The following COL23A1 variants were observed in gnomAD, a reference collection of about 807,000 sequenced individuals.
COL23A1 encodes the protein collagen type XXIII alpha 1 chain.
COL23A1 carries 97 observed loss-of-function variants against 99.3 expected under a neutral mutation model. The ratio of observed to expected loss-of-function variants is 0.98; its 90% confidence interval spans 0.83 to 1.16. The LOEUF is 1.16. Ranked by LOEUF, COL23A1 falls within the 50% of genes most tolerant of loss-of-function variation. The pLI, the probability that COL23A1 is intolerant of heterozygous loss-of-function variation, is 0.00. For synonymous variants in COL23A1, 320 were observed against 308.2 expected (o/e 1.04, Z -0.40); for missense variants, 762 against 757.4 (o/e 1.01, Z -0.07).
chr5:178,270,326 T>C lies in COL23A1; in HGVS notation c.468+11A>G, dbSNP rs751665671. ...CCCAGGACCCCCTGGAATTGCCCTG[T>C]CATCACTTACGGGCTTGCCATCCAA... On this transcript the variant is annotated intron_variant, in intron 6 of 28. Transcript: ENST00000390654. 5.0e-6 allele frequency: 8 copies of C among 1,613,736 alleles called. No individual in the cohort carries two copies. The highest frequency in any genetic ancestry group is 6.8e-6 in the Non-Finnish European group (8 of 1,179,982).
intron 2 of COL23A1, among the ~76,000 whole-genome samples, chr5:178,537,904 CAG>C (rs1388884635): frequency 1.3e-5 from 2 of 152,208 alleles, no homozygotes; most frequent in African/African-American, 4.8e-5. Context: ...ACTTCCCAAA[CAG>C]AAGCTGTCCC....
At chr5:178,337,293 C>T (rs1760389974) in intron 2 of COL23A1, among the ~76,000 whole-genome samples, 1 of 152,236 alleles carries the variant, frequency 6.6e-6, no homozygotes, top group African/African-American at 2.4e-5. Flanking sequence ...CCGGTGATCC[C>T]CGGCCAGACC....
chr5:178,496,180 C>T (rs1758190206), intron 2 of COL23A1, among the ~76,000 whole-genome samples: 1 of 152,186 alleles, frequency 6.6e-6, no homozygotes, highest in South Asian at 2.1e-4. Flanking sequence ...TACCGACCCC[C>T]TTTCACCTGC....
intron 2 of COL23A1, among the ~76,000 whole-genome samples, chr5:178,461,807 A>G (rs748370823): frequency 1.6e-4 from 24 of 152,220 alleles, no homozygotes; most frequent in Admixed American, 1.5e-3. Flanking sequence ...TTTTTATCCT[A>G]TTCGAAATAA....
At position 178,367,250 on chromosome 5, in the gene COL23A1, G is replaced by A. The variant is rs188668686; in HGVS notation, c.362-60331C>T. ...ATGATGTCCAGATGGGAGCTGCTGC[G>A]CTTAGTGCATTTTCTATCATTAAGC... On this transcript the variant is annotated intron_variant, in intron 2 of 28. Transcript: ENST00000390654. 5.9e-5 allele frequency among the ~76,000 whole-genome samples: 9 copies of A among 152,260 alleles called. No homozygotes were observed. The East Asian group carries it at 1.5e-3, about 26-fold the overall frequency.
chr5:178,327,036 A>G (rs1300931327), intron 2 of COL23A1, among the ~76,000 whole-genome samples: 1 of 152,202 alleles, frequency 6.6e-6, no homozygotes, highest in Non-Finnish European at 1.5e-5. Flanking sequence ...CTCAATTCTT[A>G]TTCGGGGGTG....
chr5:178,526,652 G>A (rs771930396), intron 2 of COL23A1, among the ~76,000 whole-genome samples: 22 of 152,146 alleles, frequency 1.4e-4, no homozygotes, highest in Non-Finnish European at 2.9e-4. Flanking sequence ...CTTGGGGGAA[G>A]AGAGGGGCTA....
chr5:178,493,568 T>C (rs1201141692), intron 2 of COL23A1, among the ~76,000 whole-genome samples: 1 of 152,192 alleles, frequency 6.6e-6, no homozygotes, highest in Non-Finnish European at 1.5e-5. Flanking sequence ...AGGAGTAACC[T>C]CTGAAGACCA....
At chr5:178,291,107 G>A (rs1374274714) in intron 3 of COL23A1, among the ~76,000 whole-genome samples, 3 of 152,228 alleles carry the variant, frequency 2.0e-5, no homozygotes, top group African/African-American at 7.2e-5. Context: ...TTATGGTGGA[G>A]TGAGCGCATG....
rs78984764 is a variant in COL23A1, at chr5:178,247,778, C to T, written c.1266G>A (p.Pro422=). Residue 422 remains proline (P), a synonymous_variant, in exon 21 of 29, where the codon CCG becomes CCA. Transcript: ENST00000390654. ...GPPGPPGPPG[P]MGLQGIQGPK... is the part of the protein sequence containing the mutation. The stretch of plus-strand genomic sequence containing the variant: ...AACCAAAGCAAACCGTCCTTACCAT[C>T]GGGCCTGGGGGGCCAGGGGGGCCAG... 6,416 of 1,613,324 alleles carry T rather than the reference C, an allele frequency of 4.0e-3. 28 individuals carry two copies. Among genetic ancestry groups the T allele is most frequent in the Non-Finnish European group, 4.8e-3 (5,643 of 1,179,412 alleles).
intron 1 of COL23A1, among the ~76,000 whole-genome samples, chr5:178,587,824 T>C (rs533175639): frequency 6.6e-6 from 1 of 152,094 alleles, no homozygotes; most frequent in Non-Finnish European, 1.5e-5. Flanking sequence ...ACATTTCCCA[T>C]CCAGTGACAT....
Position 178,349,179 on chromosome 5 carries a change from G to A in COL23A1, c.362-42260C>T, listed in dbSNP as rs567501356. Among the ~76,000 whole-genome samples, 93 of 152,292 alleles carry A rather than the reference G, an allele frequency of 6.1e-4. 2 individuals carry two copies. The South Asian group carries it at 0.019, about 31-fold the overall frequency. On this transcript the variant is annotated intron_variant, in intron 2 of 28. Transcript: ENST00000390654. ...GCCCCTCATCTGGTTTGTATTAAGA[G>A]GCTTCCATGCTTGGATTTTTTTCCC...
chr5:178,560,881 A>G (rs1762527651), intron 1 of COL23A1, 133 bp from the exon 2 acceptor site: 3 of 796,326 alleles, frequency 3.8e-6, no homozygotes, highest in Non-Finnish European at 6.0e-6. Context: ...CTGTGAGACC[A>G]TCTCTCAAAA....
At chr5:178,586,509 A>C (rs574285434) in intron 1 of COL23A1, among the ~76,000 whole-genome samples, 10 of 152,114 alleles carry the variant, frequency 6.6e-5, no homozygotes, top group Non-Finnish European at 1.3e-4. Context: ...GGAAAAGTCC[A>C]ATCCAAAATG....
chr5:178,484,682 C>T (rs1283439475), intron 2 of COL23A1, among the ~76,000 whole-genome samples: 4 of 151,916 alleles, frequency 2.6e-5, no homozygotes, highest in Non-Finnish European at 5.9e-5. Context: ...ATCAGCCAGG[C>T]GTGGTGGTGG....
At chr5:178,454,938 A>G (rs1767684039) in intron 2 of COL23A1, among the ~76,000 whole-genome samples, 1 of 152,180 alleles carries the variant, frequency 6.6e-6, no homozygotes, top group East Asian at 1.9e-4. Flanking sequence ...CCTGGCTAGG[A>G]CTGCTCCATC....
In COL23A1 at chr5:178,293,057, G is replaced by C. The variant is rs564615252; in HGVS notation, c.407-2688C>G. Among the ~76,000 whole-genome samples, 5 of 152,132 alleles carry C rather than the reference G, an allele frequency of 3.3e-5. 1 individual carries two copies. In the East Asian group the frequency reaches 7.7e-4, roughly 24 times the overall value. On this transcript the variant is annotated intron_variant, in intron 3 of 28. Coordinates refer to ENST00000390654, the MANE Select transcript of COL23A1 (RefSeq NM_173465.4). ...ATGGGAGAGGGTTTCAGAGAGAAGG[G>C]GGTTGAGGGATGTGGACAGTGGGTG...
intron 2 of COL23A1, among the ~76,000 whole-genome samples, chr5:178,498,205 AATATATATAT>A (rs1159261586): frequency 0.025 from 864 of 34,360 alleles, 11 homozygotes; most frequent in Non-Finnish European, 0.032. Context: ...TCTTTATTTA[AATATATATAT>A]ATATATATAT....
At chr5:178,256,652 A>G (rs552185309) in intron 14 of COL23A1, among the ~76,000 whole-genome samples, 65 of 152,320 alleles carry the variant, frequency 4.3e-4, no homozygotes, top group Non-Finnish European at 8.5e-4. Context: ...TGAGTTGGCC[A>G]CAAAGCTGGG....
Sources: allele counts gnomAD v4.1 joint callset (sites outside exome capture counted in the v4.1 genomes callset), GRCh38; gene constraint gnomAD v4.1.1; transcripts MANE v1.5; gene names NCBI Gene and HGNC (gene_info 2026-07-23, HGNC 2026-07-21).